Variants in SNTB2 observed in about 807,000 individuals in gnomAD.
The protein encoded by SNTB2 is beta-2-syntrophin.
In SNTB2, 34 loss-of-function variants were observed where a neutral mutation model predicts 46.2. That is an observed-to-expected ratio of 0.74 (90% CI 0.56 to 0.98). SNTB2 has a LOEUF of 0.98. Among genes scored for constraint, SNTB2 ranks in the 50% least tolerant of loss-of-function variants. SNTB2 has a pLI of 0.00. For synonymous variants in SNTB2, 290 were observed against 312.6 expected (o/e 0.93, Z 0.76); for missense variants, 603 against 731.4 (o/e 0.82, Z 2.02).
intron 4 of SNTB2, among the ~76,000 whole-genome samples, chr16:69,273,711 AATT>A (rs1567412119): frequency 2.0e-5 from 3 of 152,200 alleles, no homozygotes. Context: ...ATATTTTAAT[AATT>A]CAGTTATTTA....
At chr16:69,197,782 G>A (rs533104841) in intron 1 of SNTB2, among the ~76,000 whole-genome samples, 2 of 152,266 alleles carry the variant, frequency 1.3e-5, no homozygotes, top group Admixed American at 1.3e-4. Context: ...GCCAGTAAAA[G>A]TATTTACATT....
At chr16:69,196,319 G>A (rs191880036) in intron 1 of SNTB2, among the ~76,000 whole-genome samples, 1 of 151,754 alleles carries the variant, frequency 6.6e-6, no homozygotes, top group Admixed American at 6.6e-5. Flanking sequence ...TGACACTTAT[G>A]GAGAGCTTAC....
chr16:69,242,817 C>T (rs929792647), intron 1 of SNTB2, among the ~76,000 whole-genome samples: 26 of 152,122 alleles, frequency 1.7e-4, no homozygotes, highest in Non-Finnish European at 2.5e-4. Flanking sequence ...GTCTGGAGAT[C>T]GAGACCATCC....
At chr16:69,218,114 G>A (rs1964366187) in intron 1 of SNTB2, among the ~76,000 whole-genome samples, 1 of 152,184 alleles carries the variant, frequency 6.6e-6, no homozygotes, top group African/African-American at 2.4e-5. Context: ...ATGTATTATA[G>A]TGGTGAATCT....
chr16:69,282,261 G>A (rs1351992662), intron 4 of SNTB2, among the ~76,000 whole-genome samples: 1 of 146,446 alleles, frequency 6.8e-6, no homozygotes, highest in Non-Finnish European at 1.5e-5. Flanking sequence ...AGGAGTTTAA[G>A]ACCAGCCTGG....
At chr16:69,224,368 C>T (rs887220558) in intron 1 of SNTB2, among the ~76,000 whole-genome samples, 25 of 152,094 alleles carry the variant, frequency 1.6e-4, no homozygotes, top group Non-Finnish European at 2.8e-4. Flanking sequence ...CGCGCCACCA[C>T]GCCCGGCTGA....
At chr16:69,277,604 T>A (rs1964995187) in intron 4 of SNTB2, among the ~76,000 whole-genome samples, 1 of 152,228 alleles carries the variant, frequency 6.6e-6, no homozygotes, top group Non-Finnish European at 1.5e-5. Context: ...GCTATCCACG[T>A]AATGTGAATG....
At chr16:69,296,402 G>A (rs1414747486) in intron 5 of SNTB2, among the ~76,000 whole-genome samples, 2 of 151,574 alleles carry the variant, frequency 1.3e-5, no homozygotes, top group Non-Finnish European at 2.9e-5. Context: ...CCTTCTCCAG[G>A]GGAAACAATC....
intron 1 of SNTB2, among the ~76,000 whole-genome samples, chr16:69,239,841 G>A (rs191838422): frequency 1.3e-5 from 2 of 152,184 alleles, no homozygotes; most frequent in Admixed American, 1.3e-4. Flanking sequence ...CACGACGCCT[G>A]GCTAGAAACC....
chr16:69,243,511 A>G (rs1812047099), intron 1 of SNTB2, among the ~76,000 whole-genome samples: 1 of 152,210 alleles, frequency 6.6e-6, no homozygotes, highest in African/African-American at 2.4e-5. Flanking sequence ...GATTGAATGA[A>G]CTGAGTAGAT....
At chr16:69,238,170 T>C (rs1323234725) in intron 1 of SNTB2, among the ~76,000 whole-genome samples, 5 of 152,128 alleles carry the variant, frequency 3.3e-5, no homozygotes, top group Non-Finnish European at 5.9e-5. Context: ...CAATAGGACA[T>C]TGGAGGGAAA....
chr16:69,298,719 G>A (rs547213894), intron 5 of SNTB2, among the ~76,000 whole-genome samples: 2 of 151,482 alleles, frequency 1.3e-5, no homozygotes, highest in Admixed American at 1.3e-4. Context: ...ACGGGGTTTC[G>A]CCATGTTGGC....
chr16:69,253,647 T>TCAAAAA (rs777330540), intron 2 of SNTB2, among the ~76,000 whole-genome samples: 44 of 152,268 alleles, frequency 2.9e-4, no homozygotes, highest in African/African-American at 9.4e-4. Flanking sequence ...AGACTCTGTC[T>TCAAAAA]CAAAAACAAA....
At chr16:69,250,981 G>GTTT (rs869256985) in intron 2 of SNTB2, among the ~76,000 whole-genome samples, 2 of 140,728 alleles carry the variant, frequency 1.4e-5, no homozygotes, top group Non-Finnish European at 3.1e-5. Flanking sequence ...TTGTTTATCT[G>GTTT]TTTTTTTTTT....
chr16:69,254,359 G>A (rs1597188309), intron 2 of SNTB2, among the ~76,000 whole-genome samples: 1 of 152,150 alleles, frequency 6.6e-6, no homozygotes, highest in Non-Finnish European at 1.5e-5. Flanking sequence ...GATTGGCTGG[G>A]ATTTGGCTCT....
At chr16:69,195,327 A>G (rs2152288948) in intron 1 of SNTB2, among the ~76,000 whole-genome samples, 2 of 152,220 alleles carry the variant, frequency 1.3e-5, no homozygotes, top group Middle Eastern at 6.8e-3. Context: ...TTGGAGTACA[A>G]TGGCATGATC....
At chr16:69,187,773 G>GGGGGGGGGGGGGCC in intron 1 of SNTB2, 27 bp downstream of exon 1, 2 of 331,854 alleles carry the variant, frequency 6.0e-6, no homozygotes, top group East Asian at 9.7e-5. Flanking sequence ...GGGAGGGTGG[G>GGGGGGGGGGGGGCC]CAGGCCGCGG....
At position 69,245,710 on chromosome 16, in the gene SNTB2, AC is replaced by A; in HGVS notation, c.690del (p.Ser231LeufsTer27). 6.2e-7 allele frequency: 1 copy of A among 1,614,100 alleles called. No homozygotes were observed. The highest frequency in any genetic ancestry group is 8.5e-7 in the Non-Finnish European group (1 of 1,180,032). Reference protein sequence around the residue: ...PQSPSFSGSEDSGSPKHQNST... With the variant: ...PQSPSFSGSEXSGSPKHQNST... ...TCACCAAGCTTTAGTGGCAGTGAGG[AC>A]TCTGGTTCGCCAAAACACCAGAACA... On this transcript the variant is annotated frameshift_variant, in exon 2 of 7. Transcript: ENST00000336278. LOFTEE classifies it high-confidence loss of function.
chr16:69,307,402 ACTTTAGTT>A lies in SNTB2; in HGVS notation c.*6479_*6486del, dbSNP rs1965324319. On this transcript the variant is annotated 3_prime_UTR_variant, in exon 7 of 7. Coordinates refer to ENST00000336278, the MANE Select transcript of SNTB2 (RefSeq NM_006750.4). ...GATTTTTTTTTTAGTGCAAATTTAG[ACTTTAGTT>A]TGGGAAAGAGAACAGTATACAGTAT... The A allele has an allele frequency of 6.6e-6, 1 of 152,174 alleles. No homozygotes were observed. Among genetic ancestry groups the A allele is most frequent in the Non-Finnish European group, 1.5e-5 (1 of 68,024 alleles). The allele number at this position is 152,174 out of a possible 1,614,324, so 9.4% of individuals were successfully genotyped here.
Sources: allele counts gnomAD v4.1 joint callset (sites outside exome capture counted in the v4.1 genomes callset), GRCh38; gene constraint gnomAD v4.1.1; transcripts MANE v1.5; gene names NCBI Gene and HGNC (gene_info 2026-07-23, HGNC 2026-07-21).